SCN11A: variants seen among roughly 807,000 people sequenced by gnomAD.
SCN11A encodes the protein sodium voltage-gated channel alpha subunit 11.
A neutral mutation model predicts 162.2 loss-of-function variants in SCN11A; 122 were observed. The ratio of observed to expected loss-of-function variants is 0.75; its 90% CI spans 0.65 to 0.87. The LOEUF (loss-of-function observed/expected upper bound fraction) is 0.87, where lower values mean the gene tolerates loss of function less well. Ranked by LOEUF, SCN11A falls within the 40% of genes least tolerant of loss-of-function variation. SCN11A has a pLI of 0.00. For missense variants in SCN11A, 2,015 were observed against 2,181.6 expected, an observed-to-expected ratio of 0.92 and a Z score of 1.52; for synonymous variants, 758 against 751.5, an observed-to-expected ratio of 1.01 and a Z score of -0.14.
At chr3:39,021,157 A>G (rs2031440782) in intron 2 of SCN11A, among the ~76,000 whole-genome samples, 1 of 152,234 alleles carries the variant, frequency 6.6e-6, no homozygotes, top group South Asian at 2.1e-4. Flanking sequence ...CCAAGAAGGT[A>G]AGGGAAACTT....
chr3:38,862,245 T>C (rs999394624), intron 28 of SCN11A, among the ~76,000 whole-genome samples: 1 of 152,118 alleles, frequency 6.6e-6, no homozygotes, highest in Non-Finnish European at 1.5e-5. Context: ...ATAATAGATG[T>C]TGGCATGGAT....
chr3:39,033,534 T>G (rs1032077669), intron 1 of SCN11A, among the ~76,000 whole-genome samples: 2 of 152,226 alleles, frequency 1.3e-5, no homozygotes, highest in East Asian at 1.9e-4. Flanking sequence ...CTTGGAGAGA[T>G]AATGTGAATT....
At chr3:38,885,826 G>T (rs111643712) in intron 20 of SCN11A, among the ~76,000 whole-genome samples, 18 of 152,256 alleles carry the variant, frequency 1.2e-4, no homozygotes, top group African/African-American at 4.1e-4. Flanking sequence ...AGACATTTTG[G>T]CAATGTCTAG....
At chr3:38,887,983 G>T (rs975062892) in intron 19 of SCN11A, among the ~76,000 whole-genome samples, 2 of 152,086 alleles carry the variant, frequency 1.3e-5, no homozygotes, top group Admixed American at 1.3e-4. Context: ...CCTGTCTGTG[G>T]ACTAGACACA....
At chr3:38,986,129 T>C (rs937466797) in intron 2 of SCN11A, among the ~76,000 whole-genome samples, 2 of 150,952 alleles carry the variant, frequency 1.3e-5, no homozygotes, top group African/African-American at 5.0e-5. Context: ...CTGTTAGTTA[T>C]ACAGATCAGC....
intron 2 of SCN11A, among the ~76,000 whole-genome samples, chr3:38,992,089 A>G (rs544625776): frequency 6.6e-6 from 1 of 152,278 alleles, no homozygotes; most frequent in African/African-American, 2.4e-5. Flanking sequence ...GATTACAGGC[A>G]TGAGCCACCA....
At chr3:39,001,594 T>C (rs1005697707) in intron 2 of SCN11A, among the ~76,000 whole-genome samples, 1 of 152,222 alleles carries the variant, frequency 6.6e-6, no homozygotes, top group African/African-American at 2.4e-5. Context: ...TAGTTTTACT[T>C]CTTACTTTTA....
chr3:38,860,589 C>T (rs148577167), intron 28 of SCN11A, among the ~76,000 whole-genome samples: 99 of 152,246 alleles, frequency 6.5e-4, no homozygotes, highest in African/African-American at 2.0e-3. Flanking sequence ...GTTTAACATA[C>T]GCAAGTCAAT....
rs745590214 is a variant in SCN11A at position 38,921,241 on chromosome 3, C to A, written c.727G>T (p.Val243Leu). The A allele has an allele frequency of 1.2e-6, 2 of 1,613,770 alleles. No individual in the cohort carries two copies. Among genetic ancestry groups the A allele is most frequent in the African/African-American group, 1.3e-5 (1 of 74,912 alleles). Residue 243 changes from valine to leucine, a missense_variant, in exon 10 of 30, where the codon GTG (valine) becomes TTG (leucine). Physicochemically the swap from Val to Leu is conservative, Grantham distance 32. Coordinates refer to ENST00000302328, the MANE Select transcript of SCN11A (RefSeq NM_001349253.2). Reference protein sequence around the residue: ...ISVVSRLKVIVGALLRSVKKL... With the variant: ...ISVVSRLKVILGALLRSVKKL... ...TTCACAGAGCGTAGCAAGGCCCCCA[C>A]GATGACCTTCAGACCTGAGAAAGAG...
rs1363526223 is a variant in SCN11A, at chr3:38,850,700, T to C, written c.4108A>G (p.Ile1370Val). ...FDIVTSQIFD[I>V]IIISLIILNM... ...AGGATAATGAGACTTATGATGATGA[T>C]GTCAAAGATCTGGCTTGTGACTATG... Residue 1370 changes from isoleucine to valine, a missense_variant, in exon 29 of 30, where the codon ATC (isoleucine) becomes GTC (valine). Transcript: ENST00000302328. The C allele has an allele frequency of 1.2e-6, 2 of 1,613,540 alleles. No homozygotes were observed. The highest frequency in any genetic ancestry group is 3.3e-5 in the Admixed American group (2 of 59,992).
At chr3:38,954,395 G>A (rs147314994) in intron 3 of SCN11A, among the ~76,000 whole-genome samples, 3 of 152,172 alleles carry the variant, frequency 2.0e-5, no homozygotes, top group Admixed American at 2.0e-4. Context: ...GAAAGACCCT[G>A]GATGGTAAAA....
At chr3:38,872,035 G>C (rs1330382776) in intron 24 of SCN11A, among the ~76,000 whole-genome samples, 158 bp downstream of exon 24, 4 of 152,124 alleles carry the variant, frequency 2.6e-5, no homozygotes, top group African/African-American at 9.7e-5. Context: ...GTATATCTTA[G>C]GCTTTTCTCT....
At chr3:38,882,601 G>A (rs900704884) in intron 22 of SCN11A, among the ~76,000 whole-genome samples, 1 of 152,088 alleles carries the variant, frequency 6.6e-6, no homozygotes, top group Non-Finnish European at 1.5e-5. Flanking sequence ...GAGGAGAAAG[G>A]GAGACAAGAA....
chr3:38,946,753 G>A, intron 6 of SCN11A, 36 bp downstream of exon 6: 2 of 1,378,400 alleles, frequency 1.5e-6, no homozygotes, highest in Non-Finnish European at 2.1e-6. Flanking sequence ...CTTTTCAAAT[G>A]ATCTGGACTT....
chr3:39,033,384 C>A (rs902168445), intron 1 of SCN11A, among the ~76,000 whole-genome samples: 1 of 152,092 alleles, frequency 6.6e-6, no homozygotes, highest in African/African-American at 2.4e-5. Context: ...TTTTCATGTA[C>A]AATCTACATT....
intron 27 of SCN11A, among the ~76,000 whole-genome samples, chr3:38,864,551 TTGTAG>T (rs1258083965): frequency 2.6e-5 from 4 of 152,110 alleles, no homozygotes; most frequent in Non-Finnish European, 4.4e-5. Context: ...AGTGAAAACT[TTGTAG>T]TCCTGAATTT....
At chr3:38,914,350 C>G (rs1017074469) in intron 11 of SCN11A, among the ~76,000 whole-genome samples, 2 of 152,120 alleles carry the variant, frequency 1.3e-5, no homozygotes, top group African/African-American at 4.8e-5. Context: ...TGTCTTGAAA[C>G]TTTGCTGAAG....
In SCN11A at chr3:38,907,981, C is replaced by A; in HGVS notation, c.1441G>T (p.Gly481Trp). 1 of 1,609,420 alleles carries A rather than the reference C, an allele frequency of 6.2e-7. No individual in the cohort carries two copies. The highest frequency in any genetic ancestry group is 8.5e-7 in the Non-Finnish European group (1 of 1,178,990). ...LRESGKDQPP[G>W]SDSDEDCQKK... ...TGGCAATCTTCATCAGAATCTGACC[C>A]AGGAGGCTGGTCTTTCCCAGACTCT... The change falls in exon 14 of 30, where the codon GGG becomes TGG. Residue 481 changes from glycine (G) to tryptophan (W), a missense_variant. Transcript: ENST00000302328.
intron 19 of SCN11A, among the ~76,000 whole-genome samples, chr3:38,886,445 T>C (rs925981810): frequency 5.3e-5 from 8 of 152,320 alleles, no homozygotes; most frequent in African/African-American, 1.2e-4. Context: ...GATACTGAAC[T>C]TGTTACAAAG....
Sources: allele counts gnomAD v4.1 joint callset (sites outside exome capture counted in the v4.1 genomes callset), GRCh38; gene constraint gnomAD v4.1.1; transcripts MANE v1.5; gene names NCBI Gene and HGNC (gene_info 2026-07-23, HGNC 2026-07-21).